The following CHD9 variants were observed in gnomAD, a reference collection of about 807,000 sequenced individuals.
CHD9 encodes the protein ATP-dependent chromatin remodeler CHD9.
In CHD9, 77 loss-of-function variants were observed where a neutral mutation model predicts 316.1. That is an observed-to-expected ratio of 0.24 (90% CI 0.20 to 0.29). The LOEUF (loss-of-function observed/expected upper bound fraction) is 0.29. Ranked by LOEUF, CHD9 falls within the 10% of genes least tolerant of loss-of-function variation. The pLI is 1.00. For synonymous variants in CHD9, 1,129 were observed against 1,158.3 expected (o/e 0.97, Z 0.51); for missense variants, 2,763 against 3,438.1 (o/e 0.80, Z 4.91).
chr16:53,193,602 A>G (rs2044655396), intron 2 of CHD9, among the ~76,000 whole-genome samples: 1 of 152,142 alleles, frequency 6.6e-6, no homozygotes, highest in Non-Finnish European at 1.5e-5. Flanking sequence ...TAAAGTGTCC[A>G]TTCAAATCGT....
intron 2 of CHD9, among the ~76,000 whole-genome samples, chr16:53,170,943 A>G (rs2042667914): frequency 6.6e-6 from 1 of 152,154 alleles, no homozygotes; most frequent in African/African-American, 2.4e-5. Flanking sequence ...AGGCCCATAT[A>G]ACAAATATGC....
intron 11 of CHD9, 27 bp downstream of exon 11, chr16:53,235,333 A>C (rs1354658865): frequency 6.8e-7 from 1 of 1,474,232 alleles, no homozygotes; most frequent in Non-Finnish European, 9.1e-7. Context: ...AATAAAAAAA[A>C]TTTATTTTTT....
chr16:53,297,495 T>A (rs2054909507), intron 30 of CHD9, among the ~76,000 whole-genome samples: 1 of 152,196 alleles, frequency 6.6e-6, no homozygotes, highest in South Asian at 2.1e-4. Context: ...ATAGGAATTG[T>A]GCTAGAGGGT....
chr16:53,167,427 T>G (rs2042347866), intron 2 of CHD9, among the ~76,000 whole-genome samples: 1 of 152,178 alleles, frequency 6.6e-6, no homozygotes, highest in South Asian at 2.1e-4. Flanking sequence ...AAAATTGTCC[T>G]ACTTTCCTAT....
chr16:53,281,021 C>A (rs541246926), intron 24 of CHD9, among the ~76,000 whole-genome samples: 11 of 152,144 alleles, frequency 7.2e-5, no homozygotes, highest in Non-Finnish European at 7.3e-5. Context: ...GCTCTTACTT[C>A]TCTAATAGAT....
At chr16:53,228,843 G>A (rs1311955248) in intron 7 of CHD9, 140 bp from the exon 8 acceptor site, 14 of 493,364 alleles carry the variant, frequency 2.8e-5, no homozygotes, top group African/African-American at 3.9e-5. Context: ...AGAAATGATC[G>A]TAATTCTATT....
At chr16:53,319,594 CCTT>C (rs577334936) in intron 37 of CHD9, among the ~76,000 whole-genome samples, 65 of 152,190 alleles carry the variant, frequency 4.3e-4, no homozygotes, top group East Asian at 9.7e-4. Flanking sequence ...TGTTACAAAT[CCTT>C]CTTCTTCATC....
At chr16:53,280,732 G>A (rs759720671) in intron 24 of CHD9, among the ~76,000 whole-genome samples, 16 of 151,418 alleles carry the variant, frequency 1.1e-4, no homozygotes, top group Non-Finnish European at 2.4e-4. Context: ...AAATGGCAGA[G>A]CAAAGATTCA....
At chr16:53,318,155 T>A (rs2057018644) in intron 36 of CHD9, 57 bp from the exon 37 acceptor site, 1 of 1,393,728 alleles carries the variant, frequency 7.2e-7, no homozygotes, top group Non-Finnish European at 9.7e-7. Context: ...TTTAATATTT[T>A]GAATTGTTTT....
intron 2 of CHD9, among the ~76,000 whole-genome samples, chr16:53,164,549 A>T (rs896328146): frequency 6.6e-6 from 1 of 152,178 alleles, no homozygotes; most frequent in Non-Finnish European, 1.5e-5. Flanking sequence ...ACTGCACTCC[A>T]GCCTGGGTGA....
intron 24 of CHD9, among the ~76,000 whole-genome samples, chr16:53,281,655 CTG>C (rs953009926): frequency 1.8e-4 from 28 of 152,170 alleles, no homozygotes; most frequent in Non-Finnish European, 7.3e-5. Flanking sequence ...CTCCATAACT[CTG>C]TACGTACTTT....
At chr16:53,264,415 T>C (rs770588541) in intron 20 of CHD9, among the ~76,000 whole-genome samples, 2 of 152,034 alleles carry the variant, frequency 1.3e-5, no homozygotes, top group South Asian at 4.1e-4. Flanking sequence ...ATTCATACTG[T>C]CTAATGCAAT....
In CHD9 at chr16:53,272,499, C is replaced by T. The variant is rs556417520; in HGVS notation, c.4718-1127C>T. Among the ~76,000 whole-genome samples the T allele has an allele frequency of 1.2e-4, 19 of 152,182 alleles. No individual in the cohort carries two copies. In the East Asian group the frequency reaches 3.7e-3, roughly 29 times the overall value. ...ACAAGAATTGCAAGAGGAGTCAAAA[C>T]TGCATTATTAATAATTGTGAAAAAT... On this transcript the variant is annotated intron_variant, in intron 22 of 38. Coordinates refer to ENST00000447540, the MANE Select transcript of CHD9 (RefSeq NM_001308319.2).
At chr16:53,206,154 T>A (rs779237013) in intron 2 of CHD9, among the ~76,000 whole-genome samples, 1 of 152,170 alleles carries the variant, frequency 6.6e-6, no homozygotes, top group African/African-American at 2.4e-5. Context: ...TTTTCCTCCA[T>A]GTTGGTCAGG....
intron 2 of CHD9, among the ~76,000 whole-genome samples, chr16:53,158,543 A>G (rs2152749856): frequency 6.6e-6 from 1 of 152,362 alleles, no homozygotes; most frequent in Non-Finnish European, 1.5e-5. Flanking sequence ...CATCTTTAAA[A>G]TGTGAAATAA....
At chr16:53,130,315 C>A (rs2039165003) in intron 1 of CHD9, among the ~76,000 whole-genome samples, 1 of 152,210 alleles carries the variant, frequency 6.6e-6, no homozygotes, top group Non-Finnish European at 1.5e-5. Flanking sequence ...GGGACTAAAT[C>A]CACGGCTCCT....
Position 53,245,616 on chromosome 16 carries a change from C to G in CHD9, c.3220C>G (p.Leu1074Val), listed in dbSNP as rs1297053280. Residue 1074 changes from leucine (L) to valine (V), a missense_variant, in exon 15 of 39, where the codon CTG (leucine) becomes GTG (valine). Physicochemically the swap from Leu to Val is conservative, Grantham distance 32. Coordinates refer to ENST00000447540, the MANE Select transcript of CHD9 (RefSeq NM_001308319.2). The surrounding 1 kb of genome is among the most constrained non-coding windows in gnomAD (Gnocchi z 4.1). ...EEQVQKLQAI[L>V]KPMMLRRLKE... ...TCAGGTACAGAAACTTCAGGCTATC[C>G]TGAAACCAATGATGTTGAGACGATT... is the stretch of plus-strand genomic sequence containing the variant. 1.1e-5 allele frequency: 18 copies of G among 1,581,816 alleles called. No homozygotes were observed. Among genetic ancestry groups the G allele is most frequent in the Non-Finnish European group, 1.4e-5 (16 of 1,167,856 alleles).
At chr16:53,161,205 TAGAG>T (rs1342573731) in intron 2 of CHD9, among the ~76,000 whole-genome samples, 2 of 152,156 alleles carry the variant, frequency 1.3e-5, no homozygotes, top group Non-Finnish European at 2.9e-5. Context: ...GATGGATTGG[TAGAG>T]AGGATTATTA....
chr16:53,116,754 A>G (rs866980110), intron 1 of CHD9, among the ~76,000 whole-genome samples: 32 of 152,314 alleles, frequency 2.1e-4, no homozygotes, highest in African/African-American at 6.0e-4. Context: ...AAATCATTCT[A>G]TTATAAAGAT....
Sources: gnomAD v4.1 joint callset for allele counts (sites outside exome capture counted in the v4.1 genomes callset) on GRCh38, gnomAD v4.1.1 for gene constraint, Gnocchi (gnomAD v3.1) non-coding constraint, MANE v1.5 for transcripts, NCBI Gene and HGNC (gene_info 2026-07-23, HGNC 2026-07-21) for gene names.